Variants in UHRF2 observed in about 807,000 individuals in gnomAD.
UHRF2 encodes E3 ubiquitin-protein ligase UHRF2.
A neutral mutation model predicts 96.8 loss-of-function variants in UHRF2; 23 were observed. That is an observed-to-expected ratio of 0.24 (90% CI 0.17 to 0.34). The LOEUF is 0.34. Among genes scored for constraint, UHRF2 ranks in the 10% least tolerant of loss-of-function variants. The pLI is 1.00. For missense variants in UHRF2, 685 were observed against 981.5 expected (o/e 0.70, Z 4.04); for synonymous variants, 385 against 332.6 (o/e 1.16, Z -1.72).
At chr9:6,447,933 C>T (rs990972280) in intron 3 of UHRF2, among the ~76,000 whole-genome samples, 9 of 152,144 alleles carry the variant, frequency 5.9e-5, no homozygotes, top group Admixed American at 6.5e-5. Flanking sequence ...GAACTAAAAA[C>T]AAGAGGATTG....
intron 2 of UHRF2, among the ~76,000 whole-genome samples, chr9:6,422,153 G>C (rs1004903624): frequency 6.6e-6 from 1 of 152,178 alleles, no homozygotes; most frequent in Admixed American, 6.5e-5. Flanking sequence ...TACTATACTT[G>C]GTTCCATTGG....
chr9:6,482,241 C>G, intron 8 of UHRF2, 142 bp downstream of exon 8: 1 of 698,602 alleles, frequency 1.4e-6, no homozygotes. Context: ...TGGGTGTACT[C>G]TTCCTGGAGG....
Position 6,503,003 on chromosome 9 carries a change from G to T in UHRF2, c.2164-1590G>T, listed in dbSNP as rs1245152165. Among the ~76,000 whole-genome samples, 3 of 152,120 alleles carry T rather than the reference G, an allele frequency of 2.0e-5. No homozygotes were observed. In the East Asian group the frequency reaches 5.8e-4, roughly 29 times the overall value. ...ACTTGTAAGGTTTTTTTGTTTGTTT[G>T]TTTGTTTTTGAGACGGAGTTGTGGT... is the stretch of plus-strand genomic sequence containing the variant. On this transcript the variant is annotated intron_variant, in intron 14 of 15. Transcript: ENST00000276893.
chr9:6,478,855 A>C (rs1035252320), intron 6 of UHRF2, among the ~76,000 whole-genome samples: 1 of 152,176 alleles, frequency 6.6e-6, no homozygotes, highest in Non-Finnish European at 1.5e-5. Context: ...ACCTCCTACT[A>C]CTACCTCATA....
At chr9:6,463,979 TA>T (rs1822714762) in intron 4 of UHRF2, among the ~76,000 whole-genome samples, 1 of 152,152 alleles carries the variant, frequency 6.6e-6, no homozygotes, top group Non-Finnish European at 1.5e-5. Flanking sequence ...TGCCTAGGAT[TA>T]AAATTACTAG....
intron 14 of UHRF2, 86 bp downstream of exon 14, chr9:6,500,795 A>C (rs1816251007): frequency 7.8e-7 from 1 of 1,288,042 alleles, no homozygotes; most frequent in African/African-American, 1.5e-5. Flanking sequence ...TTCACACATC[A>C]GTCAAAACTT....
At chr9:6,426,404 T>C (rs1423556078) in intron 2 of UHRF2, among the ~76,000 whole-genome samples, 2 of 152,192 alleles carry the variant, frequency 1.3e-5, no homozygotes, top group Non-Finnish European at 2.9e-5. Flanking sequence ...CCTTTCCCCA[T>C]TTAGGAGCAC....
chr9:6,445,981 C>CTTTGTTTTTTTTTTTTTTTTTTTTTTT (rs751155835), intron 3 of UHRF2, among the ~76,000 whole-genome samples: 26 of 78,904 alleles, frequency 3.3e-4, no homozygotes, highest in African/African-American at 1.4e-3. Context: ...CCCCGCCACC[C>CTTTGTTTTTTTTTTTTTTTTTTTTTTT]TTTTTTTTTT....
chr9:6,448,931 C>T (rs959137270), intron 3 of UHRF2, among the ~76,000 whole-genome samples: 16 of 152,128 alleles, frequency 1.1e-4, no homozygotes, highest in African/African-American at 2.9e-4. Flanking sequence ...GTGTTTATTA[C>T]GGAAATCTTT....
At chr9:6,431,394 G>C (rs974401883) in intron 2 of UHRF2, among the ~76,000 whole-genome samples, 1 of 152,018 alleles carries the variant, frequency 6.6e-6, no homozygotes, top group Admixed American at 6.6e-5. Context: ...GATTGTTTGA[G>C]GCCAGGAGTT....
chr9:6,450,464 ACT>A (rs1365601743), intron 3 of UHRF2, among the ~76,000 whole-genome samples: 1 of 151,812 alleles, frequency 6.6e-6, no homozygotes, highest in Admixed American at 6.6e-5. Flanking sequence ...TTTGATTTAA[ACT>A]CTGTTAGATA....
chr9:6,488,249 C>T (rs1824428330), intron 9 of UHRF2, among the ~76,000 whole-genome samples: 1 of 79,348 alleles, frequency 1.3e-5, no homozygotes, highest in African/African-American at 5.3e-5. Flanking sequence ...ACCCTGTCTC[C>T]TTAAAAAAAA....
intron 1 of UHRF2, among the ~76,000 whole-genome samples, chr9:6,419,830 T>A (rs1486112751): frequency 1.3e-5 from 2 of 152,180 alleles, no homozygotes; most frequent in African/African-American, 4.8e-5. Flanking sequence ...AGCCATGACC[T>A]CCTGGGCTAA....
chr9:6,497,368 A>C lies in UHRF2; in HGVS notation c.1767+8A>C, dbSNP rs374374541. 21 of 1,612,162 alleles carry C rather than the reference A, an allele frequency of 1.3e-5. No homozygotes were observed. The African/African-American group carries it at 2.0e-4, about 15-fold the overall frequency. On this transcript the variant is annotated splice_region_variant and intron_variant, in intron 11 of 15. Coordinates refer to ENST00000276893, the MANE Select transcript of UHRF2 (RefSeq NM_152896.3). ...TATGATGGCATTTATAAGGTGCTCT[A>C]TCTGGCATGACATCTTGTTTGTCAT...
chr9:6,450,332 T>A (rs946414727), intron 3 of UHRF2, among the ~76,000 whole-genome samples: 1 of 119,578 alleles, frequency 8.4e-6, no homozygotes, highest in Non-Finnish European at 1.6e-5. Context: ...TTAAATAAAC[T>A]GTGTCATTTG....
chr9:6,425,775 A>T (rs893241980), intron 2 of UHRF2, among the ~76,000 whole-genome samples: 1 of 376 alleles, frequency 2.7e-3, no homozygotes, highest in African/African-American at 0.012. Context: ...AAATAAATTA[A>T]AAAAAAAAAA....
chr9:6,497,496 A>G, intron 11 of UHRF2, 136 bp downstream of exon 11: 1 of 939,988 alleles, frequency 1.1e-6, no homozygotes, highest in Non-Finnish European at 1.6e-6. Flanking sequence ...GAAATTGAAC[A>G]GATGCATAAA....
intron 2 of UHRF2, among the ~76,000 whole-genome samples, chr9:6,432,400 T>C (rs1820606785): frequency 6.6e-6 from 1 of 152,198 alleles, no homozygotes; most frequent in Admixed American, 6.5e-5. Context: ...TATTTCTAAG[T>C]TCCTCACTTA....
At chr9:6,502,705 T>C (rs181300203) in intron 14 of UHRF2, among the ~76,000 whole-genome samples, 166 of 152,324 alleles carry the variant, frequency 1.1e-3, no homozygotes, top group Middle Eastern at 3.4e-3. Context: ...CCTAGCACAT[T>C]GTAGCTACCT....
Sources: allele counts gnomAD v4.1 joint callset (sites outside exome capture counted in the v4.1 genomes callset), GRCh38; gene constraint gnomAD v4.1.1; transcripts MANE v1.5; gene names NCBI Gene and HGNC (gene_info 2026-07-23, HGNC 2026-07-21).